Variants in TENM2 observed in about 807,000 individuals in gnomAD.
TENM2 encodes teneurin transmembrane protein 2, also known as teneurin-2.
TENM2 carries 52 observed loss-of-function variants against 245.2 expected under a neutral mutation model. That is an observed-to-expected ratio of 0.21 (90% CI 0.17 to 0.27). The LOEUF (loss-of-function observed/expected upper bound fraction) is 0.27. Among genes scored for constraint, TENM2 ranks in the 10% least tolerant of loss-of-function variants. The pLI, the probability that TENM2 is intolerant of heterozygous loss-of-function variation, is 1.00. For synonymous variants in TENM2, 1,363 were observed against 1,438.9 expected (o/e 0.95, Z 1.19); for missense variants, 3,046 against 3,666.8 (o/e 0.83, Z 4.37).
At chr5:167,760,343 T>C (rs916608854) in intron 2 of TENM2, among the ~76,000 whole-genome samples, 4 of 152,158 alleles carry the variant, frequency 2.6e-5, no homozygotes, top group Non-Finnish European at 5.9e-5. Context: ...CTGTTATTAC[T>C]TTAGGTCAGG....
At chr5:167,329,370 C>A (rs1757290335) in intron 1 of TENM2, among the ~76,000 whole-genome samples, 2 of 142,582 alleles carry the variant, frequency 1.4e-5, no homozygotes, top group African/African-American at 5.2e-5. Context: ...ATGGTGAAAC[C>A]CCATCTCTAC....
At chr5:167,313,193 G>A (rs901788094) in intron 1 of TENM2, among the ~76,000 whole-genome samples, 6 of 151,954 alleles carry the variant, frequency 3.9e-5, no homozygotes, top group South Asian at 2.1e-4. Flanking sequence ...GCGAGCCACC[G>A]TGCCCAGCCT....
the TENM2 span, among the ~76,000 whole-genome samples, chr5:167,190,578 A>G: frequency 2.0e-5 from 3 of 152,102 alleles, no homozygotes; most frequent in Admixed American, 1.3e-4. Flanking sequence ...CGGGTGTCTA[A>G]TAAAATCTCC....
rs76683321 is a variant in TENM2, at chr5:167,498,639, G to T, written c.502+123166G>T. On this transcript the variant is annotated intron_variant, in intron 2 of 28. Coordinates refer to ENST00000518659, the Ensembl canonical transcript of TENM2. ...AACAAAACAGTTTCTCCTTGAGCTT[G>T]CACTCCAGCACTGAACAGAGAGCCC... 5.4e-3 allele frequency among the ~76,000 whole-genome samples: 825 copies of T among 152,150 alleles called. 1 individual carries two copies. Among genetic ancestry groups the T allele is most frequent in the Admixed American group, 0.01 (156 of 15,272 alleles).
chr5:167,098,503 G>A, the TENM2 span, among the ~76,000 whole-genome samples: 228 of 152,246 alleles, frequency 1.5e-3, 1 homozygote, highest in Middle Eastern at 3.4e-3. Context: ...TGCTTCTGAT[G>A]CTTCCCCATT....
intron 2 of TENM2, among the ~76,000 whole-genome samples, chr5:167,647,597 C>A (rs1339593953): frequency 1.3e-5 from 2 of 151,620 alleles, no homozygotes; most frequent in Non-Finnish European, 2.9e-5. Flanking sequence ...CTCTCCAGCC[C>A]GGGCAACAGA....
chr5:168,116,197 TAGAG>T (rs1252099217), intron 9 of TENM2, among the ~76,000 whole-genome samples: 1 of 152,178 alleles, frequency 6.6e-6, no homozygotes, highest in African/African-American at 2.4e-5. Flanking sequence ...ATCCTGTAGA[TAGAG>T]AGTATGATCC....
chr5:167,071,878 G>GGC, the TENM2 span, among the ~76,000 whole-genome samples: 3 of 124,022 alleles, frequency 2.4e-5, no homozygotes, highest in Admixed American at 9.2e-5. Flanking sequence ...TTGACAAATC[G>GGC]CCCCCCCCCG....
chr5:167,529,191 A>G (rs1424782439), intron 2 of TENM2, among the ~76,000 whole-genome samples: 1 of 151,600 alleles, frequency 6.6e-6, no homozygotes, highest in Non-Finnish European at 1.5e-5. Flanking sequence ...TTTTTTTTCA[A>G]TTTTATAAAT....
intron 14 of TENM2, among the ~76,000 whole-genome samples, chr5:168,191,938 T>C (rs1328336370): frequency 6.6e-6 from 1 of 152,138 alleles, no homozygotes; most frequent in African/African-American, 2.4e-5. Context: ...ATGAGTGTCT[T>C]AACAAGGTCA....
chr5:167,514,872 A>C (rs10076223), intron 2 of TENM2, among the ~76,000 whole-genome samples: 1 of 152,000 alleles, frequency 6.6e-6, no homozygotes, highest in Non-Finnish European at 1.5e-5. Flanking sequence ...TTAGCTTGGC[A>C]TGGTGGCGGG....
At chr5:167,515,187 G>A (rs905525296) in intron 2 of TENM2, among the ~76,000 whole-genome samples, 15 of 152,122 alleles carry the variant, frequency 9.9e-5, no homozygotes, top group African/African-American at 2.9e-4. Context: ...TGGCAAATTC[G>A]CTTTGCCAAT....
intron 2 of TENM2, among the ~76,000 whole-genome samples, chr5:167,543,164 T>A (rs1772324609): frequency 6.6e-6 from 1 of 152,178 alleles, no homozygotes; most frequent in South Asian, 2.1e-4. Flanking sequence ...CACTTCCGTT[T>A]AGAGAGCATC....
the TENM2 span, among the ~76,000 whole-genome samples, chr5:167,117,278 T>C: frequency 0.07 from 10,590 of 151,926 alleles, 1,221 homozygotes; most frequent in African/African-American, 0.24. Flanking sequence ...CCCAGGCGGG[T>C]GGATCATGAC....
intron 2 of TENM2, among the ~76,000 whole-genome samples, chr5:167,751,990 T>C (rs74794871): frequency 0.055 from 8,397 of 151,584 alleles, 783 homozygotes; most frequent in African/African-American, 0.19. Context: ...GCGCACACGA[T>C]TGTGCAAATA....
At chr5:167,773,302 C>T (rs971422180) in intron 2 of TENM2, among the ~76,000 whole-genome samples, 4 of 152,186 alleles carry the variant, frequency 2.6e-5, no homozygotes, top group African/African-American at 7.2e-5. Context: ...CAGATGCAAA[C>T]ATCCCTGTAT....
the TENM2 span, among the ~76,000 whole-genome samples, chr5:167,263,051 G>C: frequency 2.2e-4 from 33 of 152,142 alleles, no homozygotes; most frequent in East Asian, 6.4e-3. Flanking sequence ...TCTTTGCCCC[G>C]TCCCAGAGGT....
At chr5:167,738,364 G>C (rs1245726514) in intron 2 of TENM2, among the ~76,000 whole-genome samples, 1 of 152,178 alleles carries the variant, frequency 6.6e-6, no homozygotes, top group Admixed American at 6.5e-5. Flanking sequence ...TCACCTCCTG[G>C]AAGAGTGACT....
chr5:167,747,258 G>A (rs1761655506), intron 2 of TENM2, among the ~76,000 whole-genome samples: 1 of 152,120 alleles, frequency 6.6e-6, no homozygotes, highest in Non-Finnish European at 1.5e-5. Flanking sequence ...TAGAGTAGGA[G>A]GCTGGCAGGA....
Sources: allele counts gnomAD v4.1 joint callset (sites outside exome capture counted in the v4.1 genomes callset), GRCh38; gene constraint gnomAD v4.1.1; transcripts MANE v1.5; gene names NCBI Gene and HGNC (gene_info 2026-07-23, HGNC 2026-07-21).